The following SPAG9 variants were observed in gnomAD, a reference collection of about 807,000 sequenced individuals.
The protein encoded by SPAG9 is C-Jun-amino-terminal kinase-interacting protein 4.
Under a neutral mutation model 166.5 loss-of-function variants are expected in SPAG9, and 35 were observed. That is an observed-to-expected ratio of 0.21 (90% CI 0.16 to 0.28). The LOEUF is 0.28. Among genes scored for constraint, SPAG9 ranks in the 10% least tolerant of loss-of-function variants. The pLI, the probability that SPAG9 is intolerant of heterozygous loss-of-function variation, is 1.00. For synonymous variants in SPAG9, 534 were observed against 565.5 expected, an observed-to-expected ratio of 0.94 and a Z score of 0.79; for missense variants, 1,235 against 1,603.3, an observed-to-expected ratio of 0.77 and a Z score of 3.92.
chr17:51,068,661 AACAG>A (rs574458250), intron 2 of SPAG9, among the ~76,000 whole-genome samples: 104 of 152,334 alleles, frequency 6.8e-4, no homozygotes, highest in African/African-American at 2.3e-3. Flanking sequence ...CTTCCAAAAT[AACAG>A]ACAAACAGCT....
intron 1 of SPAG9, among the ~76,000 whole-genome samples, chr17:51,116,105 G>A (rs955597028): frequency 1.1e-4 from 17 of 151,986 alleles, no homozygotes; most frequent in African/African-American, 3.9e-4. Flanking sequence ...GAGTACAGAG[G>A]CACGATCCCA....
At chr17:50,973,195 C>T (rs117627935) in intron 28 of SPAG9, among the ~76,000 whole-genome samples, 3,145 of 152,192 alleles carry the variant, frequency 0.021, 57 homozygotes, top group Non-Finnish European at 0.034. Flanking sequence ...AAGTCCAAAA[C>T]CACAAAACAA....
intron 3 of SPAG9, among the ~76,000 whole-genome samples, chr17:51,053,854 AGTATATATATATATATAT>A (rs1331589608): frequency 1.0e-3 from 36 of 34,446 alleles, no homozygotes; most frequent in African/African-American, 3.7e-3. Flanking sequence ...AAAAAAAAAA[AGTATATATATATATATAT>A]ATATATATAT....
chr17:51,054,933 G>A (rs903868918), intron 3 of SPAG9, among the ~76,000 whole-genome samples: 1 of 152,086 alleles, frequency 6.6e-6, no homozygotes, highest in Non-Finnish European at 1.5e-5. Context: ...GGCTAACAGG[G>A]AAAAATTCTA....
chr17:51,093,694 C>CAAAAA (rs57010523), intron 1 of SPAG9, among the ~76,000 whole-genome samples: 5 of 72,510 alleles, frequency 6.9e-5, no homozygotes, highest in Non-Finnish European at 1.0e-4. Context: ...GACTCCGTCT[C>CAAAAA]AAAAAAAAAA....
chr17:51,023,273 AATAC>A (rs1470382114), intron 6 of SPAG9: 9 of 149,222 alleles, frequency 6.0e-5, no homozygotes, highest in African/African-American at 1.7e-4. Context: ...GTATAATTAT[AATAC>A]ATAATTATAT....
At chr17:50,990,332 G>A (rs1975436519) in intron 20 of SPAG9, 118 bp downstream of exon 20, 4 of 837,494 alleles carry the variant, frequency 4.8e-6, no homozygotes, top group East Asian at 5.3e-5. Flanking sequence ...CCGGCCTACA[G>A]TATCTTCTTT....
rs1214604664 is a variant in SPAG9 at position 51,053,863 on chromosome 17, A to AG, written c.495+2548_495+2549insC. Among the ~76,000 whole-genome samples, 150 of 71,608 alleles carry AG rather than the reference A, an allele frequency of 2.1e-3. 1 individual carries two copies. Among genetic ancestry groups the AG allele is most frequent in the Middle Eastern group, 7.9e-3 (1 of 126 alleles). 47.0% of individuals were successfully genotyped at this position (71,608 alleles called of 152,430 possible). ...AAAAAAAAAAAAAAAAAGTATATAT[A>AG]TATATATATATATATATATATATAT... On this transcript the variant is annotated intron_variant, in intron 3 of 29. Coordinates refer to ENST00000262013, the MANE Select transcript of SPAG9 (RefSeq NM_001130528.3).
At chr17:51,094,484 A>G (rs1355574568) in intron 1 of SPAG9, among the ~76,000 whole-genome samples, 1 of 152,208 alleles carries the variant, frequency 6.6e-6, no homozygotes, top group Non-Finnish European at 1.5e-5. Flanking sequence ...AGGAAAGAGC[A>G]CTTGGAAATT....
intron 4 of SPAG9, chr17:51,046,911 A>G: frequency 6.7e-7 from 1 of 1,501,336 alleles, no homozygotes; most frequent in East Asian, 2.6e-5. Flanking sequence ...CCTATTAACT[A>G]TTTTCCCCTC....
intron 29 of SPAG9, among the ~76,000 whole-genome samples, chr17:50,969,616 T>C (rs1973619073): frequency 6.6e-6 from 1 of 152,172 alleles, no homozygotes. Flanking sequence ...CCTCCCTCCC[T>C]TTTGACAACA....
At position 50,963,442 on chromosome 17, in the gene SPAG9, A is replaced by G. The variant is rs1263798923; in HGVS notation, c.*2830T>C. On this transcript the variant is annotated 3_prime_UTR_variant, in exon 30 of 30. Coordinates refer to ENST00000262013, the MANE Select transcript of SPAG9 (RefSeq NM_001130528.3). ...TAGAAAATATTTAACTGAAATTACA[A>G]ACATAAGGACAAGCCTTTAAAGCAA... 1 of 152,216 alleles carries G rather than the reference A, an allele frequency of 6.6e-6. No individual in the cohort carries two copies. The highest frequency in any genetic ancestry group is 1.5e-5 in the Non-Finnish European group (1 of 68,028). The allele number at this position is 152,216 out of a possible 1,614,324, so 9.4% of individuals were successfully genotyped here.
intron 11 of SPAG9, among the ~76,000 whole-genome samples, chr17:51,005,466 T>C (rs990180194): frequency 1.3e-5 from 2 of 152,200 alleles, no homozygotes; most frequent in Non-Finnish European, 1.5e-5. Context: ...GAAAGTGGGA[T>C]AAAAAAATAA....
At chr17:51,069,351 T>A (rs1473898665) in intron 2 of SPAG9, among the ~76,000 whole-genome samples, 2 of 152,104 alleles carry the variant, frequency 1.3e-5, no homozygotes, top group Non-Finnish European at 2.9e-5. Context: ...ATACTAACAT[T>A]CATTGCTAAT....
chr17:51,051,790 G>A (rs1459390250), intron 3 of SPAG9, among the ~76,000 whole-genome samples: 1 of 151,956 alleles, frequency 6.6e-6, no homozygotes, highest in East Asian at 1.9e-4. Context: ...CTAGAATTTG[G>A]GGCAAATCAT....
intron 14 of SPAG9, chr17:50,999,343 T>C (rs781029866): frequency 2.7e-5 from 19 of 694,568 alleles, no homozygotes; most frequent in Non-Finnish European, 4.0e-5. Flanking sequence ...ACTTATTTAA[T>C]GGGGATCCAG....
At chr17:51,027,966 T>C (rs2046249246) in intron 6 of SPAG9, among the ~76,000 whole-genome samples, 1 of 151,868 alleles carries the variant, frequency 6.6e-6, no homozygotes, top group Non-Finnish European at 1.5e-5. Flanking sequence ...TGGGACAAGA[T>C]GTGGAGGTGG....
At chr17:51,029,450 TCA>T (rs1418183810) in intron 6 of SPAG9, among the ~76,000 whole-genome samples, 1 of 152,144 alleles carries the variant, frequency 6.6e-6, no homozygotes, top group Non-Finnish European at 1.5e-5. Context: ...TCCAGCAATC[TCA>T]CTTCTGGGTA....
At chr17:51,013,136 G>A (rs2045560584) in intron 9 of SPAG9, among the ~76,000 whole-genome samples, 2 of 152,144 alleles carry the variant, frequency 1.3e-5, no homozygotes, top group African/African-American at 4.8e-5. Flanking sequence ...TGCAAGCAAT[G>A]TCACTCCACT....
Sources: allele counts gnomAD v4.1 joint callset (sites outside exome capture counted in the v4.1 genomes callset), GRCh38; gene constraint gnomAD v4.1.1; transcripts MANE v1.5; gene names NCBI Gene and HGNC (gene_info 2026-07-23, HGNC 2026-07-21).